UTRN: variants seen among roughly 807,000 people sequenced by gnomAD.
UTRN encodes utrophin, also known as dystrophin-related protein 1.
A neutral mutation model predicts 463.9 loss-of-function variants in UTRN; 283 were observed. The observed-to-expected ratio is 0.61, with a 90% CI of 0.55 to 0.67. The LOEUF (loss-of-function observed/expected upper bound fraction) is 0.67, where lower values mean the gene tolerates loss of function less well. UTRN is among the 30% of genes least tolerant of loss of function. The pLI is 0.00. For missense variants in UTRN, 3,922 were observed against 4,084.3 expected (o/e 0.96, Z 1.08); for synonymous variants, 1,442 against 1,431.5 (o/e 1.01, Z -0.17).
intron 65 of UTRN, among the ~76,000 whole-genome samples, chr6:144,809,252 A>G (rs1045402321): frequency 6.6e-6 from 1 of 152,166 alleles, no homozygotes; most frequent in Non-Finnish European, 1.5e-5. Flanking sequence ...ACTAGGGTCA[A>G]TCTTGAGTCA....
intron 58 of UTRN, among the ~76,000 whole-genome samples, chr6:144,760,026 T>C (rs569494778): frequency 7.7e-4 from 117 of 152,148 alleles, no homozygotes; most frequent in Non-Finnish European, 1.5e-3. Context: ...AAATTAAATA[T>C]CTTGCTTTAT....
intron 44 of UTRN, 46 bp from the exon 45 acceptor site, chr6:144,539,248 C>G (rs765797696): frequency 4.6e-6 from 7 of 1,505,786 alleles, no homozygotes; most frequent in Non-Finnish European, 6.2e-6. Context: ...TGAATTTTCC[C>G]TTATCTGACT....
At chr6:144,674,216 T>C (rs1037384031) in intron 51 of UTRN, among the ~76,000 whole-genome samples, 3 of 116,150 alleles carry the variant, frequency 2.6e-5, no homozygotes, top group African/African-American at 1.4e-4. Flanking sequence ...GAAGTTTTCA[T>C]TGATTTTTTT....
chr6:144,667,207 A>C (rs1046693258), intron 51 of UTRN, among the ~76,000 whole-genome samples: 5 of 152,008 alleles, frequency 3.3e-5, no homozygotes, highest in Admixed American at 3.3e-4. Context: ...GACATGCACC[A>C]CCACACCCAG....
intron 46 of UTRN, among the ~76,000 whole-genome samples, chr6:144,543,425 G>A (rs1419520937): frequency 6.6e-6 from 1 of 152,100 alleles, no homozygotes; most frequent in Non-Finnish European, 1.5e-5. Context: ...AGATTAGATC[G>A]CAGGCTCCTG....
chr6:144,774,169 A>T (rs1026112533), intron 59 of UTRN, 121 bp from the exon 60 acceptor site: 1 of 992,772 alleles, frequency 1.0e-6, no homozygotes, highest in East Asian at 2.8e-5. Flanking sequence ...TTGGGAGAAG[A>T]CTTTTTATTT....
chr6:144,404,252 CAGAGAATT>C lies in UTRN; in HGVS notation c.141+1072_141+1079del, dbSNP rs537353203. Among the ~76,000 whole-genome samples, 20 of 152,206 alleles carry C rather than the reference CAGAGAATT, an allele frequency of 1.3e-4. No individual in the cohort carries two copies. The East Asian group carries it at 2.5e-3, about 19-fold the overall frequency. ...CAACTTTGACAGAGGGTTAAAAATA[CAGAGAATT>C]AGAACATAAAGGTGCTTGCATAATT... On this transcript the variant is annotated intron_variant, in intron 3 of 74. Coordinates refer to ENST00000367545, the MANE Select transcript of UTRN (RefSeq NM_007124.3).
intron 51 of UTRN, among the ~76,000 whole-genome samples, chr6:144,593,179 C>T (rs1803288891): frequency 6.6e-6 from 1 of 151,894 alleles, no homozygotes; most frequent in African/African-American, 2.4e-5. Context: ...GTTCTTGGCG[C>T]AATGAACAAA....
chr6:144,354,337 A>G lies in UTRN; in HGVS notation c.80-48786A>G, dbSNP rs564977965. Among the ~76,000 whole-genome samples the G allele has an allele frequency of 5.6e-3, 857 of 152,332 alleles. 1 individual carries two copies. Among genetic ancestry groups the G allele is most frequent in the Non-Finnish European group, 9.4e-3 (639 of 68,010 alleles). Reference sequence around the variant, plus strand: ...GTAGGAAGCTGTATTTTGCTACTCAAGTAGACTAACATTGGAGAAATAATT... The same window carrying G: ...GTAGGAAGCTGTATTTTGCTACTCAGGTAGACTAACATTGGAGAAATAATT... On this transcript the variant is annotated intron_variant, in intron 2 of 74. Transcript: ENST00000367545.
intron 73 of UTRN, among the ~76,000 whole-genome samples, chr6:144,843,167 TC>T (rs1333093285): frequency 5.3e-5 from 8 of 152,208 alleles, no homozygotes; most frequent in African/African-American, 1.9e-4. Context: ...AAAAACAAAT[TC>T]TGTACATCAA....
intron 51 of UTRN, among the ~76,000 whole-genome samples, chr6:144,645,682 T>TCTGTGTTGTATAACGGG: frequency 6.6e-6 from 1 of 152,206 alleles, no homozygotes; most frequent in South Asian, 2.1e-4. Flanking sequence ...GATCAAGAAG[T>TCTGTGTTGTATAACGGG]CTGTGTTGTA....
chr6:144,584,676 C>CTT (rs568891099), intron 51 of UTRN, among the ~76,000 whole-genome samples: 5 of 147,386 alleles, frequency 3.4e-5, no homozygotes, highest in African/African-American at 1.2e-4. Context: ...TGTCTGGAAA[C>CTT]TTTTTTTTTT....
intron 51 of UTRN, among the ~76,000 whole-genome samples, chr6:144,667,010 T>A (rs927510612): frequency 6.9e-6 from 1 of 145,370 alleles, no homozygotes; most frequent in Non-Finnish European, 1.5e-5. Flanking sequence ...CACTACTACT[T>A]CTTCTTCCTC....
chr6:144,540,857 G>A (rs542141495), intron 45 of UTRN, among the ~76,000 whole-genome samples: 1 of 152,326 alleles, frequency 6.6e-6, no homozygotes, highest in East Asian at 1.9e-4. Context: ...GGCTATGTGT[G>A]ATAAGGCAAA....
chr6:144,801,084 A>T (rs1218771670), intron 64 of UTRN, among the ~76,000 whole-genome samples: 1 of 152,228 alleles, frequency 6.6e-6, no homozygotes, highest in Non-Finnish European at 1.5e-5. Flanking sequence ...GCTATAACTT[A>T]AAATATGTCA....
chr6:144,633,565 C>T (rs1776775656), intron 51 of UTRN, among the ~76,000 whole-genome samples: 1 of 152,190 alleles, frequency 6.6e-6, no homozygotes, highest in Admixed American at 6.5e-5. Flanking sequence ...ATATTTTTTC[C>T]TCAGAAGTGT....
At chr6:144,714,794 CTGTT>C (rs1170652142) in intron 53 of UTRN, among the ~76,000 whole-genome samples, 1 of 152,154 alleles carries the variant, frequency 6.6e-6, no homozygotes, top group Non-Finnish European at 1.5e-5. Flanking sequence ...TGTGATGTCT[CTGTT>C]TGTTAGTGTT....
chr6:144,479,114 G>GTTTTTTTTTT (rs36044387), intron 25 of UTRN, among the ~76,000 whole-genome samples: 2 of 114,786 alleles, frequency 1.7e-5, no homozygotes, highest in African/African-American at 3.6e-5. Context: ...GCTTCTAGGG[G>GTTTTTTTTTT]TTTTTTTTTT....
At chr6:144,721,935 A>G (rs1787222944) in intron 53 of UTRN, among the ~76,000 whole-genome samples, 1 of 152,204 alleles carries the variant, frequency 6.6e-6, no homozygotes, top group Non-Finnish European at 1.5e-5. Flanking sequence ...ATTTTGGAGC[A>G]TTTCAGATTT....
Sources: gnomAD v4.1 joint callset for allele counts (sites outside exome capture counted in the v4.1 genomes callset) on GRCh38, gnomAD v4.1.1 for gene constraint, MANE v1.5 for transcripts, NCBI Gene and HGNC (gene_info 2026-07-23, HGNC 2026-07-21) for gene names.